The following AMBRA1 variants were observed in gnomAD, a reference collection of about 807,000 sequenced individuals.
The protein encoded by AMBRA1 is activating molecule in BECN1-regulated autophagy protein 1.
In AMBRA1, 47 loss-of-function variants were observed where a neutral mutation model predicts 125.4. The observed-to-expected ratio is 0.37, with a 90% confidence interval of 0.30 to 0.48. The LOEUF is 0.48. AMBRA1 is among the 20% of genes least tolerant of loss of function. AMBRA1 has a pLI of 0.99. For synonymous variants in AMBRA1, 626 were observed against 655.5 expected, an observed-to-expected ratio of 0.95 and a Z score of 0.69; for missense variants, 1,331 against 1,693.4, an observed-to-expected ratio of 0.79 and a Z score of 3.76.
intron 11 of AMBRA1, among the ~76,000 whole-genome samples, chr11:46,457,312 G>A (rs149841963): frequency 1.3e-5 from 2 of 152,152 alleles, no homozygotes; most frequent in African/African-American, 4.8e-5. Flanking sequence ...TAAGCTCCAA[G>A]GGCTAACAAA....
At chr11:46,523,242 G>A (rs935818343) in intron 7 of AMBRA1, among the ~76,000 whole-genome samples, 9 of 152,070 alleles carry the variant, frequency 5.9e-5, no homozygotes, top group African/African-American at 1.9e-4. Context: ...TCACTGATTC[G>A]CCTCTGGGGA....
intron 11 of AMBRA1, among the ~76,000 whole-genome samples, chr11:46,475,135 A>G (rs1410287525): frequency 1.3e-5 from 2 of 152,264 alleles, no homozygotes; most frequent in East Asian, 3.8e-4. Context: ...AAAGTAGAAT[A>G]GCAACCCAAC....
At chr11:46,430,347 A>ACG (rs994420574) in intron 14 of AMBRA1, among the ~76,000 whole-genome samples, 11 of 152,176 alleles carry the variant, frequency 7.2e-5, no homozygotes, top group African/African-American at 2.7e-4. Context: ...CCTGAGACTG[A>ACG]CTCTGCCTTG....
At position 46,402,140 on chromosome 11, in the gene AMBRA1, G is replaced by A. The variant is rs544818372; in HGVS notation, c.3404-4197C>T. 3.5e-3 allele frequency among the ~76,000 whole-genome samples: 528 copies of A among 152,262 alleles called. 3 individuals carry two copies. The highest frequency in any genetic ancestry group is 0.012 in the African/African-American group (492 of 41,554). On this transcript the variant is annotated intron_variant, in intron 17 of 17. Transcript: ENST00000683756. ...ACCTCACAGTGCTTCACAACTCCCC[G>A]TAGCTGTGGCATCTCTCTTCTGGCC...
chr11:46,428,307 G>C (rs1947259561), intron 14 of AMBRA1, among the ~76,000 whole-genome samples: 2 of 152,100 alleles, frequency 1.3e-5, no homozygotes, highest in South Asian at 4.1e-4. Flanking sequence ...TTTACCACAT[G>C]GCCACAAAGA....
At chr11:46,436,874 T>C (rs181514806) in intron 12 of AMBRA1, among the ~76,000 whole-genome samples, 1 of 152,278 alleles carries the variant, frequency 6.6e-6, no homozygotes, top group African/African-American at 2.4e-5. Flanking sequence ...AAAGAAATCA[T>C]AAATGTTAAG....
chr11:46,444,877 C>T (rs548516772), intron 11 of AMBRA1, among the ~76,000 whole-genome samples: 53 of 152,270 alleles, frequency 3.5e-4, no homozygotes, highest in African/African-American at 1.3e-3. Flanking sequence ...CTGCTGGCCA[C>T]TGTGTCAGAA....
At chr11:46,444,533 T>C (rs1341945135) in intron 11 of AMBRA1, among the ~76,000 whole-genome samples, 3 of 152,202 alleles carry the variant, frequency 2.0e-5, no homozygotes, top group Non-Finnish European at 1.5e-5. Flanking sequence ...GTTGGAAGAA[T>C]AGAACATTCT....
chr11:46,585,665 CAAAAAAAAAAAAAA>C (rs1157368065), intron 1 of AMBRA1, among the ~76,000 whole-genome samples: 2 of 7,598 alleles, frequency 2.6e-4, no homozygotes, highest in Admixed American at 3.9e-3. Context: ...GACTCCATCT[CAAAAAAAAAAAAAA>C]AAAAAAAAAA....
chr11:46,453,544 A>G (rs1948717727), intron 11 of AMBRA1, among the ~76,000 whole-genome samples: 1 of 152,244 alleles, frequency 6.6e-6, no homozygotes, highest in South Asian at 2.1e-4. Flanking sequence ...TGTGTGGAAA[A>G]CCAGCAATCA....
At chr11:46,459,989 A>G (rs1393779838) in intron 11 of AMBRA1, among the ~76,000 whole-genome samples, 1 of 152,150 alleles carries the variant, frequency 6.6e-6, no homozygotes, top group Non-Finnish European at 1.5e-5. Context: ...TGCCTTTCAC[A>G]TGTTTAAGAA....
chr11:46,464,624 C>G (rs945816484), intron 11 of AMBRA1, among the ~76,000 whole-genome samples: 5 of 152,126 alleles, frequency 3.3e-5, no homozygotes, highest in Non-Finnish European at 7.3e-5. Flanking sequence ...GCTTTGACAT[C>G]TTAGGGGCTT....
chr11:46,487,350 A>G (rs1293482838), intron 11 of AMBRA1, among the ~76,000 whole-genome samples: 1 of 152,216 alleles, frequency 6.6e-6, no homozygotes, highest in Non-Finnish European at 1.5e-5. Context: ...TGTTAACCAA[A>G]AATAAAGTTA....
At chr11:46,463,925 C>A (rs1490810770) in intron 11 of AMBRA1, among the ~76,000 whole-genome samples, 1 of 152,244 alleles carries the variant, frequency 6.6e-6, no homozygotes, top group Non-Finnish European at 1.5e-5. Context: ...CTCTGCAAGG[C>A]TCTTGCCTTG....
chr11:46,459,527 A>G (rs1420479092), intron 11 of AMBRA1, among the ~76,000 whole-genome samples: 1 of 152,118 alleles, frequency 6.6e-6, no homozygotes, highest in East Asian at 1.9e-4. Flanking sequence ...CCTGGCCAAC[A>G]TGGTGAAACC....
In AMBRA1 at chr11:46,548,230, T is replaced by C. The variant is rs757810755; in HGVS notation, c.135+16A>G. On this transcript the variant is annotated intron_variant, in intron 2 of 17. Transcript: ENST00000683756. ...ACCAGCACAAATCCTATGTGAAATA[T>C]AGCCATTTTCCTTACCTTGCCCTCC... 9.3e-6 allele frequency: 15 copies of C among 1,613,948 alleles called. No individual in the cohort carries two copies. The East Asian group carries it at 2.2e-4, about 24-fold the overall frequency.
At chr11:46,550,825 G>A (rs745676189) in intron 1 of AMBRA1, among the ~76,000 whole-genome samples, 32 of 151,544 alleles carry the variant, frequency 2.1e-4, no homozygotes, top group Non-Finnish European at 3.4e-4. Context: ...AGTGGCTCAC[G>A]CCTGTAATCC....
intron 11 of AMBRA1, among the ~76,000 whole-genome samples, chr11:46,457,739 A>T (rs909523022): frequency 2.6e-5 from 4 of 152,118 alleles, no homozygotes; most frequent in African/African-American, 9.7e-5. Context: ...CGTCTCTACT[A>T]AAAATACAAA....
At chr11:46,404,434 G>GT (rs2136597434) in intron 17 of AMBRA1, among the ~76,000 whole-genome samples, 1 of 152,344 alleles carries the variant, frequency 6.6e-6, no homozygotes, top group African/African-American at 2.4e-5. Context: ...CAATAGTGGT[G>GT]TGAGTGCCTC....
Sources: gnomAD v4.1 joint callset for allele counts (sites outside exome capture counted in the v4.1 genomes callset) on GRCh38, gnomAD v4.1.1 for gene constraint, MANE v1.5 for transcripts, NCBI Gene and HGNC (gene_info 2026-07-23, HGNC 2026-07-21) for gene names.